ZNF778: variants seen among roughly 807,000 people sequenced by gnomAD.
The protein encoded by ZNF778 is zinc finger protein 778.
In ZNF778, 37 loss-of-function variants were observed where a neutral mutation model predicts 23.9. That is an observed-to-expected ratio of 1.54 (90% CI 1.19 to 2.03). The LOEUF is 2.03. Among genes scored for constraint, ZNF778 ranks in the 30% most tolerant of loss-of-function variants. The pLI is 0.00. For synonymous variants in ZNF778, 483 were observed against 343.9 expected, an observed-to-expected ratio of 1.40 and a Z score of -4.48; for missense variants, 1,297 against 934.4, an observed-to-expected ratio of 1.39 and a Z score of -5.06.
intron 4 of ZNF778, among the ~76,000 whole-genome samples, chr16:89,224,124 G>A (rs1597352972): frequency 6.6e-6 from 1 of 151,840 alleles, no homozygotes; most frequent in African/African-American, 2.4e-5. Flanking sequence ...GGGAGGCTGG[G>A]TGCAGTGGCT....
chr16:89,224,281 A>T (rs1217710754), intron 4 of ZNF778, among the ~76,000 whole-genome samples: 1 of 152,060 alleles, frequency 6.6e-6, no homozygotes, highest in African/African-American at 2.4e-5. Context: ...CTGTAATCCC[A>T]GCACTTTGGG....
rs548282878 is a variant in ZNF778, at chr16:89,228,753, G to T, written c.*191G>T. On this transcript the variant is annotated 3_prime_UTR_variant, in exon 7 of 7. Coordinates refer to ENST00000433976, the MANE Select transcript of ZNF778 (RefSeq NM_001201407.2). ...AGAGAAAGCCCTCAGTGTTCTCTAAGGTCTTGCTGAATATGGATGGTATCC... is the reference window on the plus strand; with the variant it reads ...AGAGAAAGCCCTCAGTGTTCTCTAATGTCTTGCTGAATATGGATGGTATCC... 6.5e-5 allele frequency: 91 copies of T among 1,394,720 alleles called. 1 individual carries two copies. In the South Asian group the frequency reaches 1.4e-3, roughly 21 times the overall value. 86.4% of individuals were successfully genotyped at this position (1,394,720 alleles called of 1,614,324 possible).
rs74033445 is a variant in ZNF778 at position 89,230,350 on chromosome 16, C to T, written c.*1788C>T. 0.019 allele frequency: 2,842 copies of T among 152,828 alleles called. 82 individuals are homozygous for T. The highest frequency in any genetic ancestry group is 0.065 in the African/African-American group (2,691 of 41,514). The allele number at this position is 152,828 out of a possible 1,614,324, so 9.5% of individuals were successfully genotyped here. A position where few individuals can be genotyped will look rare whatever the true frequency, so the allele number is the denominator to read the frequency against. ...AGGCAGTGCCGGACGGGTGAGAGCCCTGAGTGTCCTTGTTGACCTCCAGAT... is the reference window on the plus strand; with the variant it reads ...AGGCAGTGCCGGACGGGTGAGAGCCTTGAGTGTCCTTGTTGACCTCCAGAT... On this transcript the variant is annotated 3_prime_UTR_variant, in exon 7 of 7. Transcript: ENST00000433976.
chr16:89,219,674 G>A (rs1452480858), intron 1 of ZNF778, among the ~76,000 whole-genome samples: 1 of 152,282 alleles, frequency 6.6e-6, no homozygotes, highest in Non-Finnish European at 1.5e-5. Context: ...CGCTGTGTCA[G>A]TGGGTCTGCT....
rs2031735267 is a variant in ZNF778, at chr16:89,228,796, T to C, written c.*234T>C. On this transcript the variant is annotated 3_prime_UTR_variant, in exon 7 of 7. Coordinates refer to ENST00000433976, the MANE Select transcript of ZNF778 (RefSeq NM_001201407.2). ...TGGTATCCAGTAGAGAGAACTCTATTGATGTGTGATATGCAGCAGCATTGT... is the reference window on the plus strand; with the variant it reads ...TGGTATCCAGTAGAGAGAACTCTATCGATGTGTGATATGCAGCAGCATTGT... 4 of 1,293,116 alleles carry C rather than the reference T, an allele frequency of 3.1e-6. No individual in the cohort carries two copies. Among genetic ancestry groups the C allele is most frequent in the Admixed American group, 7.6e-5 (2 of 26,402 alleles). The allele number at this position is 1,293,116 out of a possible 1,614,324, so 80.1% of individuals were successfully genotyped here.
chr16:89,223,321 C>G (rs764661227), intron 4 of ZNF778, 38 bp downstream of exon 4: 3 of 1,612,224 alleles, frequency 1.9e-6, no homozygotes, highest in South Asian at 1.1e-5. Context: ...TCTGTGGAAC[C>G]AATACTTGAT....
chr16:89,231,274 C>T lies in ZNF778; in HGVS notation c.*2712C>T, dbSNP rs1039337192. On this transcript the variant is annotated 3_prime_UTR_variant, in exon 7 of 7. Coordinates refer to ENST00000433976, the MANE Select transcript of ZNF778 (RefSeq NM_001201407.2). ...TCCTGATTGGCTGAAATAAGTCCTG[C>T]AGGTCTCTGCTAGAACTGACTCACA... 4.6e-5 allele frequency: 7 copies of T among 152,262 alleles called. No homozygotes were observed. Among genetic ancestry groups the T allele is most frequent in the African/African-American group, 1.7e-4 (7 of 41,456 alleles). The allele number at this position is 152,262 out of a possible 1,614,324, so 9.4% of individuals were successfully genotyped here. A position where few individuals can be genotyped will look rare whatever the true frequency, so the allele number is the denominator to read the frequency against.
In ZNF778 at chr16:89,228,526, TCA is replaced by T. The variant is rs759601678; in HGVS notation, c.2242_2243del (p.Thr748SerfsTer5). The part of the protein sequence containing the change: ...SFKNSSCLNH[H>X]TQIHTDEKPF ...TTAAGAATTCCTCATGCCTTAACCATCACACTCAAATTCACACTGATGAGAAA... is the reference window on the plus strand; with the variant it reads ...TTAAGAATTCCTCATGCCTTAACCATCACTCAAATTCACACTGATGAGAAA... On this transcript the variant is annotated frameshift_variant, in exon 7 of 7. Transcript: ENST00000433976. LOFTEE classifies it low-confidence loss of function (END_TRUNC). 39 of 1,600,306 alleles carry T rather than the reference TCA, an allele frequency of 2.4e-5. No homozygotes were observed. Among genetic ancestry groups the T allele is most frequent in the Non-Finnish European group, 2.7e-5 (32 of 1,175,104 alleles).
At chr16:89,223,090 T>G (rs1348456866) in intron 3 of ZNF778, 67 bp from the exon 4 acceptor site, 11 of 1,565,030 alleles carry the variant, frequency 7.0e-6, no homozygotes, top group Admixed American at 1.9e-5. Flanking sequence ...GGGCCCCGCC[T>G]CCTCATTCTT....
chr16:89,219,043 G>T (rs940971765), intron 1 of ZNF778, among the ~76,000 whole-genome samples: 1 of 149,764 alleles, frequency 6.7e-6, no homozygotes. Flanking sequence ...GGTGGCACAG[G>T]TTGCGGTGAG....
chr16:89,228,621 C>A lies in ZNF778; in HGVS notation c.*59C>A, dbSNP rs572994499. On this transcript the variant is annotated 3_prime_UTR_variant, in exon 7 of 7. Coordinates refer to ENST00000433976, the MANE Select transcript of ZNF778 (RefSeq NM_001201407.2). Reference sequence around the variant, plus strand: ...CATTCACGTTGAAGACATGAAAGACCTCTCGTTCTCCAGATGTCCATGACT... The same window carrying A: ...CATTCACGTTGAAGACATGAAAGACATCTCGTTCTCCAGATGTCCATGACT... 36 of 1,522,208 alleles carry A rather than the reference C, an allele frequency of 2.4e-5. No individual in the cohort carries two copies. The African/African-American group carries it at 4.4e-4, about 19-fold the overall frequency. The allele number at this position is 1,522,208 out of a possible 1,614,324, so 94.3% of individuals were successfully genotyped here. A position where few individuals can be genotyped will look rare whatever the true frequency, so the allele number is the denominator to read the frequency against.
Position 89,234,557 on chromosome 16 carries a change from A to T in ZNF778, c.*5995A>T. On this transcript the variant is annotated 3_prime_UTR_variant, in exon 7 of 7. Transcript: ENST00000433976. ...TGAGGCTGTTGTGAGGTGAGTCACC[A>T]CTTGTGACTTAGAAGATTGCAGTGG... 6.0e-6 allele frequency: 1 copy of T among 166,238 alleles called. No homozygotes were observed. Among genetic ancestry groups the T allele is most frequent in the Non-Finnish European group, 1.3e-5 (1 of 75,932 alleles). The allele number at this position is 166,238 out of a possible 1,614,324, so 10.3% of individuals were successfully genotyped here.
Position 89,233,850 on chromosome 16 carries a change from C to A in ZNF778, c.*5288C>A. 1 of 1,290,396 alleles carries A rather than the reference C, an allele frequency of 7.7e-7. No individual in the cohort carries two copies. Among genetic ancestry groups the A allele is most frequent in the South Asian group, 1.2e-5 (1 of 81,042 alleles). 79.9% of individuals were successfully genotyped at this position (1,290,396 alleles called of 1,614,324 possible). On this transcript the variant is annotated 3_prime_UTR_variant, in exon 7 of 7. Coordinates refer to ENST00000433976, the MANE Select transcript of ZNF778 (RefSeq NM_001201407.2). ...TGCAAGTACTTATTTCCGGCCACTTCCTTTTTCTAACTACCACACCAAGCC... is the reference window on the plus strand; with the variant it reads ...TGCAAGTACTTATTTCCGGCCACTTACTTTTTCTAACTACCACACCAAGCC...
At position 89,232,972 on chromosome 16, in the gene ZNF778, A is replaced by T; in HGVS notation, c.*4410A>T. Reference sequence around the variant, plus strand: ...CAACTCAGCTCGCTCTGCGTATGCAACTGAGCTCGCTCTGCGTATGCAACC... The same window carrying T: ...CAACTCAGCTCGCTCTGCGTATGCATCTGAGCTCGCTCTGCGTATGCAACC... On this transcript the variant is annotated 3_prime_UTR_variant, in exon 7 of 7. Transcript: ENST00000433976. The T allele has an allele frequency of 1.6e-6, 2 of 1,259,984 alleles. No homozygotes were observed. The highest frequency in any genetic ancestry group is 1.6e-5 in the African/African-American group (1 of 63,396). The allele number at this position is 1,259,984 out of a possible 1,614,324, so 78.1% of individuals were successfully genotyped here.
intron 6 of ZNF778, 93 bp downstream of exon 6, chr16:89,225,724 A>T: frequency 8.4e-7 from 1 of 1,184,906 alleles, no homozygotes; most frequent in Non-Finnish European, 1.2e-6. Context: ...GAGAATTTAG[A>T]GAAGCAGGAT....
Position 89,228,816 on chromosome 16 carries a change from C to G in ZNF778, c.*254C>G, listed in dbSNP as rs2031736655. ...TCTATTGATGTGTGATATGCAGCAG[C>G]ATTGTTGCTGTTCTGCTCAGTACTT... On this transcript the variant is annotated 3_prime_UTR_variant, in exon 7 of 7. Coordinates refer to ENST00000433976, the MANE Select transcript of ZNF778 (RefSeq NM_001201407.2). 7 of 1,226,700 alleles carry G rather than the reference C, an allele frequency of 5.7e-6. No homozygotes were observed. The highest frequency in any genetic ancestry group is 7.1e-6 in the Non-Finnish European group (7 of 981,406). 76.0% of individuals were successfully genotyped at this position (1,226,700 alleles called of 1,614,324 possible). A position where few individuals can be genotyped will look rare whatever the true frequency, so the allele number is the denominator to read the frequency against.
At position 89,236,374 on chromosome 16, in the gene ZNF778, A is replaced by C. The variant is rs2151643901; in HGVS notation, c.*7812A>C. Reference sequence around the variant, plus strand: ...GCATTTTTCAAGTTCTGAAATAAAAAGAAATGCCAACCCAGATTGCTATAT... The same window carrying C: ...GCATTTTTCAAGTTCTGAAATAAAACGAAATGCCAACCCAGATTGCTATAT... On this transcript the variant is annotated 3_prime_UTR_variant, in exon 7 of 7. Coordinates refer to ENST00000433976, the MANE Select transcript of ZNF778 (RefSeq NM_001201407.2). 2 of 152,326 alleles carry C rather than the reference A, an allele frequency of 1.3e-5. 1 individual carries two copies. Among genetic ancestry groups the C allele is most frequent in the Admixed American group, 1.3e-4 (2 of 15,296 alleles). 9.4% of individuals were successfully genotyped at this position (152,326 alleles called of 1,614,324 possible). A position where few individuals can be genotyped will look rare whatever the true frequency, so the allele number is the denominator to read the frequency against.
At chr16:89,222,450 G>A (rs1309813800) in intron 3 of ZNF778, among the ~76,000 whole-genome samples, 3 of 152,012 alleles carry the variant, frequency 2.0e-5, no homozygotes, top group Admixed American at 6.6e-5. Context: ...TGCAATCTCC[G>A]CCTCCCAGGT....
rs1443419535 is a variant in ZNF778, at chr16:89,230,177, A to G, written c.*1615A>G. 1 of 478,552 alleles carries G rather than the reference A, an allele frequency of 2.1e-6. No individual in the cohort carries two copies. Among genetic ancestry groups the G allele is most frequent in the Non-Finnish European group, 2.7e-6 (1 of 367,624 alleles). 29.6% of individuals were successfully genotyped at this position (478,552 alleles called of 1,614,324 possible). A position where few individuals can be genotyped will look rare whatever the true frequency, so the allele number is the denominator to read the frequency against. ...ATGAAAATGCCCTTGTTCCTCTCCC[A>G]TACCTGATCCCTTCAGATAAAACAC... On this transcript the variant is annotated 3_prime_UTR_variant, in exon 7 of 7. Transcript: ENST00000433976.
Sources: gnomAD v4.1 joint callset for allele counts (sites outside exome capture counted in the v4.1 genomes callset) on GRCh38, gnomAD v4.1.1 for gene constraint, MANE v1.5 for transcripts, NCBI Gene and HGNC (gene_info 2026-07-23, HGNC 2026-07-21) for gene names.